The following MGST1 variants were observed in gnomAD, a reference collection of about 807,000 sequenced individuals.
The protein encoded by MGST1 is glutathione S-transferase 12.
A neutral mutation model predicts 8.9 loss-of-function variants in MGST1; 5 were observed. The ratio of observed to expected loss-of-function variants is 0.56; its 90% CI spans 0.29 to 1.19. MGST1 has a LOEUF of 1.19. Ranked by LOEUF, MGST1 falls within the 50% of genes most tolerant of loss-of-function variation. The pLI is 0.08. For missense variants in MGST1, 182 were observed against 187.4 expected (o/e 0.97, Z 0.17); for synonymous variants, 54 against 67.8 (o/e 0.80, Z 1.00).
intron 1 of MGST1, among the ~76,000 whole-genome samples, chr12:16,427,639 C>A (rs1940901792): frequency 6.6e-6 from 1 of 152,194 alleles, no homozygotes; most frequent in South Asian, 2.1e-4. Flanking sequence ...ATCCTGGCAT[C>A]CCAAAGTGCT....
At chr12:16,579,949 T>C (rs1267606737) in intron 4 of MGST1, among the ~76,000 whole-genome samples, 1 of 152,214 alleles carries the variant, frequency 6.6e-6, no homozygotes, top group Non-Finnish European at 1.5e-5. Flanking sequence ...TTAAGTAATG[T>C]TGCACAGGGT....
intron 4 of MGST1, among the ~76,000 whole-genome samples, chr12:16,452,512 A>G (rs1481174957): frequency 6.6e-6 from 1 of 151,860 alleles, no homozygotes; most frequent in Non-Finnish European, 1.5e-5. Flanking sequence ...TTACTACTAA[A>G]GAATACAACA....
At chr12:16,471,572 T>C (rs1941289821) in intron 4 of MGST1, among the ~76,000 whole-genome samples, 1 of 152,194 alleles carries the variant, frequency 6.6e-6, no homozygotes, top group African/African-American at 2.4e-5. Flanking sequence ...AAATTTAGGC[T>C]GTATAGCACA....
At chr12:16,382,090 C>T (rs1049123292), downstream of MGST1, among the ~76,000 whole-genome samples, 7 of 152,070 alleles carry the variant, frequency 4.6e-5, no homozygotes, top group African/African-American at 1.4e-4. Context: ...CGAATTTCCT[C>T]CTGTAGCTCG....
intron 4 of MGST1, among the ~76,000 whole-genome samples, chr12:16,465,261 G>A (rs898443979): frequency 1.3e-5 from 2 of 152,146 alleles, no homozygotes; most frequent in Admixed American, 1.3e-4. Flanking sequence ...GAAGTATATG[G>A]AGCTGTTTCT....
intron 4 of MGST1, among the ~76,000 whole-genome samples, chr12:16,502,023 C>T (rs541955590): frequency 1.2e-4 from 19 of 152,154 alleles, no homozygotes; most frequent in Non-Finnish European, 2.1e-4. Context: ...TTTAATATTA[C>T]TGAGAAGCAA....
At chr12:16,423,949 TGA>T (rs1313775768) in intron 1 of MGST1, among the ~76,000 whole-genome samples, 5 of 152,218 alleles carry the variant, frequency 3.3e-5, no homozygotes, top group Non-Finnish European at 1.5e-5. Context: ...CCATTACTTC[TGA>T]GAGTCTCCCA....
Position 16,587,863 on chromosome 12 carries a change from T to C in MGST1, n.483-1665T>C, listed in dbSNP as rs1943369802. ...CTCATATTAATGCTGCCAGTAGCTA[T>C]GGTATAGTGTTAGAAAAAGTCCACA... On this transcript the variant is annotated intron_variant and non_coding_transcript_variant, in intron 4 of 4. Transcript: ENST00000538857. The surrounding 1 kb of genome is among the most constrained non-coding windows in gnomAD (Gnocchi z 4.3). Among the ~76,000 whole-genome samples the C allele has an allele frequency of 6.6e-6, 1 of 152,120 alleles. No individual in the cohort carries two copies. The highest frequency in any genetic ancestry group is 2.4e-5 in the African/African-American group (1 of 41,434).
At chr12:16,394,864 T>C (rs1233648964) in intron 1 of MGST1, among the ~76,000 whole-genome samples, 1 of 152,142 alleles carries the variant, frequency 6.6e-6, no homozygotes, top group Non-Finnish European at 1.5e-5. Flanking sequence ...CCCACAGTGC[T>C]GGGATTACAG....
At chr12:16,579,859 T>A (rs1209828838) in intron 4 of MGST1, among the ~76,000 whole-genome samples, 3 of 152,222 alleles carry the variant, frequency 2.0e-5, no homozygotes, top group Admixed American at 6.5e-5. Flanking sequence ...CAACCTGTAC[T>A]GATTTAGATA....
At chr12:16,382,750 G>GAGGC (rs1158679685), upstream of MGST1, 2 of 152,978 alleles carry the variant, frequency 1.3e-5, no homozygotes, top group East Asian at 3.8e-4. Flanking sequence ...GGAGCCTACA[G>GAGGC]AGGCAGGCAG....
chr12:16,354,248 A>T lies in MGST1; in HGVS notation c.-5A>T, dbSNP rs1194164327. 6.4e-7 allele frequency: 1 copy of T among 1,572,932 alleles called. No homozygotes were observed. The highest frequency in any genetic ancestry group is 8.6e-7 in the Non-Finnish European group (1 of 1,164,216). ...TTTTTAAGATTCCAGACCAAAATTG[A>T]AAAAATGGTTGACCTCACCCAGGTA... On this transcript the variant is annotated 5_prime_UTR_variant, in exon 2 of 4. Coordinates refer to ENST00000396210, the MANE Select transcript of MGST1 (RefSeq NM_020300.5).
intron 1 of MGST1, among the ~76,000 whole-genome samples, chr12:16,408,723 C>G (rs1940716770): frequency 2.0e-5 from 3 of 152,080 alleles, no homozygotes; most frequent in Admixed American, 2.0e-4. Flanking sequence ...AAAATTCTCT[C>G]TTTTTACTAC....
Position 16,559,714 on chromosome 12 carries a change from G to A in MGST1, n.483-29814G>A, listed in dbSNP as rs1475995649. ...GCCTATAATCCCTGCACTTTGGGAG[G>A]TGGAGGTGGGAGGATTGCTTGAGGC... On this transcript the variant is annotated intron_variant and non_coding_transcript_variant, in intron 4 of 4. Transcript: ENST00000538857. The surrounding 1 kb of genome is among the most constrained non-coding windows in gnomAD (Gnocchi z 4.1). Among the ~76,000 whole-genome samples, 4 of 152,024 alleles carry A rather than the reference G, an allele frequency of 2.6e-5. No individual in the cohort carries two copies. The highest frequency in any genetic ancestry group is 5.9e-5 in the Non-Finnish European group (4 of 68,006).
intron 4 of MGST1, among the ~76,000 whole-genome samples, chr12:16,526,223 C>T (rs1266804943): frequency 1.3e-5 from 2 of 151,636 alleles, no homozygotes; most frequent in African/African-American, 4.8e-5. Context: ...CTTGCCCATG[C>T]CTATGTCCTG....
At chr12:16,382,892 G>C (rs568132850) in exon 1 of MGST1, 1 of 153,268 alleles carries the variant, frequency 6.5e-6, no homozygotes, top group African/African-American at 2.4e-5. Context: ...GTTTGATCTC[G>C]GACTGCTGTG....
chr12:16,394,390 TTCTC>T (rs1163399419), intron 1 of MGST1, among the ~76,000 whole-genome samples: 43 of 151,830 alleles, frequency 2.8e-4, no homozygotes, highest in African/African-American at 8.9e-4. Flanking sequence ...TTCTTTTTCT[TTCTC>T]TCTCTTTCTT....
intron 3 of MGST1, among the ~76,000 whole-genome samples, chr12:16,374,198 A>G (rs1414651414): frequency 6.6e-6 from 1 of 152,092 alleles, no homozygotes; most frequent in Non-Finnish European, 1.5e-5. Context: ...AGAATATGCT[A>G]TGGCCAAATG....
At chr12:16,526,341 A>G (rs1941686872) in intron 4 of MGST1, among the ~76,000 whole-genome samples, 1 of 151,788 alleles carries the variant, frequency 6.6e-6, no homozygotes, top group South Asian at 2.1e-4. Flanking sequence ...CATGGTCAAA[A>G]CTCAGGTTAA....
Sources: gnomAD v4.1 joint callset for allele counts (sites outside exome capture counted in the v4.1 genomes callset) on GRCh38, gnomAD v4.1.1 for gene constraint, Gnocchi (gnomAD v3.1) non-coding constraint, MANE v1.5 for transcripts, NCBI Gene and HGNC (gene_info 2026-07-23, HGNC 2026-07-21) for gene names.